The following ESYT2 variants were observed in gnomAD, a reference collection of about 807,000 sequenced individuals.
ESYT2 encodes extended synaptotagmin 2.
In ESYT2, 54 loss-of-function variants were observed where a neutral mutation model predicts 107.2. That is an observed-to-expected ratio of 0.50 (90% CI 0.40 to 0.63). The LOEUF is 0.63. Among genes scored for constraint, ESYT2 ranks in the 30% least tolerant of loss-of-function variants. The pLI, the probability that ESYT2 is intolerant of heterozygous loss-of-function variation, is 0.00. For missense variants in ESYT2, 1,020 were observed against 1,094.5 expected, an observed-to-expected ratio of 0.93 and a Z score of 0.96; for synonymous variants, 491 against 434.1, an observed-to-expected ratio of 1.13 and a Z score of -1.63.
Position 158,731,285 on chromosome 7 carries a change from C to T in ESYT2, c.*2922G>A, listed in dbSNP as rs1442238741. On this transcript the variant is annotated 3_prime_UTR_variant, in exon 23 of 23. Transcript: ENST00000275418. ...GCAGAATATATTATCATGGTAAATA[C>T]AGTTACAAGGCTGCTTCTATTTTAT... The T allele has an allele frequency of 6.6e-6, 1 of 152,212 alleles. No individual in the cohort carries two copies. The highest frequency in any genetic ancestry group is 6.5e-5 in the Admixed American group (1 of 15,280). The allele number at this position is 152,212 out of a possible 1,614,324, so 9.4% of individuals were successfully genotyped here.
intron 1 of ESYT2, among the ~76,000 whole-genome samples, chr7:158,821,329 G>A (rs896834008): frequency 1.3e-5 from 2 of 152,188 alleles, no homozygotes; most frequent in East Asian, 1.9e-4. Context: ...AAAGAAGATC[G>A]CCTATTTGAA....
chr7:158,824,728 CA>C (rs1160078985), intron 1 of ESYT2, among the ~76,000 whole-genome samples: 1 of 152,212 alleles, frequency 6.6e-6, no homozygotes, highest in Non-Finnish European at 1.5e-5. Flanking sequence ...GCCATACAAT[CA>C]GCATTTATTG....
At chr7:158,810,699 G>C (rs1048976739) in intron 1 of ESYT2, among the ~76,000 whole-genome samples, 3 of 147,522 alleles carry the variant, frequency 2.0e-5, no homozygotes, top group African/African-American at 7.6e-5. Context: ...AAAAAAAAAG[G>C]CTCATCATAA....
intron 1 of ESYT2, among the ~76,000 whole-genome samples, chr7:158,802,712 C>CCTT (rs1839681496): frequency 6.6e-6 from 1 of 152,222 alleles, no homozygotes; most frequent in African/African-American, 2.4e-5. Flanking sequence ...ACTCATTCCT[C>CCTT]TTTAAAAATT....
intron 18 of ESYT2, among the ~76,000 whole-genome samples, chr7:158,740,799 A>G (rs1448002562): frequency 1.3e-5 from 2 of 152,216 alleles, no homozygotes; most frequent in East Asian, 1.9e-4. Context: ...GCGGCTGTGC[A>G]AGCTCCACAG....
intron 6 of ESYT2, among the ~76,000 whole-genome samples, chr7:158,781,771 G>T (rs1350316538): frequency 6.6e-6 from 1 of 151,336 alleles, no homozygotes; most frequent in South Asian, 2.1e-4. Context: ...GTGAGTGTAA[G>T]AACGAGAACA....
chr7:158,743,959 A>T, intron 16 of ESYT2: 1 of 267,878 alleles, frequency 3.7e-6, no homozygotes, highest in African/African-American at 2.3e-5. Flanking sequence ...CTGTAGTCCC[A>T]GCCACTCAAG....
intron 9 of ESYT2, among the ~76,000 whole-genome samples, chr7:158,764,362 C>A (rs912962124): frequency 2.0e-5 from 3 of 152,268 alleles, no homozygotes; most frequent in Admixed American, 6.5e-5. Flanking sequence ...GTGTTTACTG[C>A]ATTAATAACC....
At chr7:158,821,204 A>G (rs922069476) in intron 1 of ESYT2, among the ~76,000 whole-genome samples, 14 of 152,246 alleles carry the variant, frequency 9.2e-5, no homozygotes, top group African/African-American at 3.4e-4. Flanking sequence ...AAATGATCCC[A>G]TGCAAAAGAC....
At chr7:158,793,842 T>G (rs1159092320) in intron 3 of ESYT2, 116 bp from the exon 4 acceptor site, 3 of 825,000 alleles carry the variant, frequency 3.6e-6, no homozygotes, top group East Asian at 5.3e-5. Context: ...CAACAGGAAT[T>G]AAAATTCTGC....
chr7:158,766,518 G>A (rs1437757489), intron 8 of ESYT2, among the ~76,000 whole-genome samples: 1 of 152,132 alleles, frequency 6.6e-6, no homozygotes, highest in Non-Finnish European at 1.5e-5. Context: ...TAAAGCTGTT[G>A]AATGCCAGCG....
At chr7:158,814,745 T>C (rs973776494) in intron 1 of ESYT2, among the ~76,000 whole-genome samples, 3 of 152,234 alleles carry the variant, frequency 2.0e-5, no homozygotes, top group African/African-American at 7.2e-5. Flanking sequence ...ACAGGTTTTA[T>C]GGGCTGGGCC....
At chr7:158,788,500 GAATAA>G (rs1308853282) in intron 4 of ESYT2, 83 bp from the exon 5 acceptor site, 1 of 1,177,676 alleles carries the variant, frequency 8.5e-7, no homozygotes, top group African/African-American at 1.6e-5. Context: ...TGTATAATCT[GAATAA>G]AATGATAGTA....
At chr7:158,818,836 C>A (rs916338361) in intron 1 of ESYT2, among the ~76,000 whole-genome samples, 1 of 152,248 alleles carries the variant, frequency 6.6e-6, no homozygotes, top group African/African-American at 2.4e-5. Flanking sequence ...GAGCCAGAGC[C>A]TGAGCTGTGG....
At position 158,734,035 on chromosome 7, in the gene ESYT2, A is replaced by G. The variant is rs1836831503; in HGVS notation, c.*172T>C. 7 of 736,330 alleles carry G rather than the reference A, an allele frequency of 9.5e-6. No individual in the cohort carries two copies. The highest frequency in any genetic ancestry group is 3.0e-5 in the Admixed American group (1 of 33,688). 45.6% of individuals were successfully genotyped at this position (736,330 alleles called of 1,614,324 possible). A position where few individuals can be genotyped will look rare whatever the true frequency, so the allele number is the denominator to read the frequency against. On this transcript the variant is annotated 3_prime_UTR_variant, in exon 23 of 23. Coordinates refer to ENST00000275418, the MANE Select transcript of ESYT2 (RefSeq NM_001367773.1). ...GAGGAAATCCAACACAGAAAATTCA[A>G]TGATAATATTGGCCAAATTTGCCTG... is the stretch of plus-strand genomic sequence containing the variant.
At chr7:158,734,852 C>T (rs1836866398) in intron 21 of ESYT2, among the ~76,000 whole-genome samples, 1 of 152,228 alleles carries the variant, frequency 6.6e-6, no homozygotes, top group Non-Finnish European at 1.5e-5. Flanking sequence ...CACTTCTTCT[C>T]ATCTCTCTAA....
intron 19 of ESYT2, among the ~76,000 whole-genome samples, chr7:158,738,156 A>G (rs371118030): frequency 3.9e-5 from 6 of 152,108 alleles, no homozygotes; most frequent in Non-Finnish European, 7.4e-5. Context: ...TCTACTAAAA[A>G]TACAAGTTAG....
rs769637222 is a variant in ESYT2, at chr7:158,820,231, GAT to G, written c.330+8856_330+8857del. On this transcript the variant is annotated intron_variant, in intron 1 of 22. Transcript: ENST00000275418. ...AAAAGAATGGGGGAGAGTCTAGAGA[GAT>G]ATTAACAAATGGATAAAACATTTCA... Among the ~76,000 whole-genome samples, 4 of 152,292 alleles carry G rather than the reference GAT, an allele frequency of 2.6e-5. No homozygotes were observed. In the East Asian group the frequency reaches 5.8e-4, roughly 22 times the overall value.
intron 1 of ESYT2, among the ~76,000 whole-genome samples, chr7:158,824,939 C>T (rs1840395440): frequency 6.6e-6 from 1 of 152,144 alleles, no homozygotes. Flanking sequence ...TTCGCTTGAG[C>T]CCAAGAGTTG....
Sources: allele counts gnomAD v4.1 joint callset (sites outside exome capture counted in the v4.1 genomes callset), GRCh38; gene constraint gnomAD v4.1.1; transcripts MANE v1.5; gene names NCBI Gene and HGNC (gene_info 2026-07-23, HGNC 2026-07-21).